Variants in HNRNPH1 observed in about 807,000 individuals in gnomAD.
HNRNPH1 encodes heterogeneous nuclear ribonucleoprotein H1, also known as heterogeneous nuclear ribonucleoprotein H.
HNRNPH1 carries 4 observed loss-of-function variants against 58.6 expected under a neutral mutation model. The observed-to-expected ratio is 0.07, with a 90% CI of 0.03 to 0.16. The LOEUF (loss-of-function observed/expected upper bound fraction) is 0.16. Ranked by LOEUF, HNRNPH1 falls within the 10% of genes least tolerant of loss-of-function variation. The pLI, the probability that HNRNPH1 is intolerant of heterozygous loss-of-function variation, is 1.00. For missense variants in HNRNPH1, 271 were observed against 564.2 expected, an observed-to-expected ratio of 0.48 and a Z score of 5.26; for synonymous variants, 192 against 189.2, an observed-to-expected ratio of 1.01 and a Z score of -0.12.
chr5:179,624,241 G>A, exon 1 of HNRNPH1: 2 of 354,604 alleles, frequency 5.6e-6, no homozygotes, highest in South Asian at 1.5e-4. Context: ...GCGGGGCTGC[G>A]GACGTCCCGC....
Position 179,618,080 on chromosome 5 carries a change from CAAT to C in HNRNPH1, c.716-23_716-21del, listed in dbSNP as rs763373878. On this transcript the variant is annotated intron_variant, in intron 5 of 12. Coordinates refer to ENST00000356731, the Ensembl canonical transcript of HNRNPH1. The stretch of plus-strand genomic sequence containing the variant: ...CATAGCCTGAAAGACAAAGTACAAT[CAAT>C]CAAATAAAACACCTAGACAAAGGAA... 1 of 1,613,654 alleles carries C rather than the reference CAAT, an allele frequency of 6.2e-7. No homozygotes were observed. Among genetic ancestry groups the C allele is most frequent in the South Asian group, 1.1e-5 (1 of 91,066 alleles).
chr5:179,616,033 A>G (rs1479743965), intron 11 of HNRNPH1, 93 bp downstream of exon 12: 5 of 1,114,716 alleles, frequency 4.5e-6, no homozygotes, highest in South Asian at 2.5e-5. Flanking sequence ...TACTCTAAGT[A>G]CAGTAACAGG....
exon 12 of HNRNPH1, chr5:179,615,585 T>G (rs1769133355): frequency 6.4e-7 from 1 of 1,565,126 alleles, no homozygotes; most frequent in Non-Finnish European, 8.8e-7. Context: ...AGTTTTCCTG[T>G]AAAACTTGGT....
At chr5:179,631,474 G>A (rs1036096990) in intron 2 of HNRNPH1, among the ~76,000 whole-genome samples, 1 of 152,068 alleles carries the variant, frequency 6.6e-6, no homozygotes, top group Non-Finnish European at 1.5e-5. Context: ...TGCTGGGCGC[G>A]GTGGCTCACA....
chr5:179,630,629 C>T (rs755233101), intron 2 of HNRNPH1, among the ~76,000 whole-genome samples: 6 of 151,806 alleles, frequency 4.0e-5, no homozygotes, highest in African/African-American at 7.2e-5. Context: ...GCATACATTT[C>T]GGCCTGACGC....
intron 10 of HNRNPH1, chr5:179,616,580 C>G: frequency 1.9e-6 from 1 of 513,650 alleles, no homozygotes; most frequent in South Asian, 2.5e-5. Context: ...CCACATTTAT[C>G]TTAATCCTGT....
chr5:179,628,027 T>C (rs1356832278), upstream of HNRNPH1, among the ~76,000 whole-genome samples: 1 of 152,058 alleles, frequency 6.6e-6, no homozygotes, highest in Non-Finnish European at 1.5e-5. Context: ...TTCACCATGT[T>C]GGCCAGGTTG....
chr5:179,616,760 T>G, intron 10 of HNRNPH1, 109 bp downstream of exon 11: 1 of 935,756 alleles, frequency 1.1e-6, no homozygotes, highest in South Asian at 1.6e-5. Context: ...GAAACTGCTT[T>G]GCCTAAGTTT....
intron 2 of HNRNPH1, among the ~76,000 whole-genome samples, chr5:179,633,340 G>A (rs1775001161): frequency 6.6e-6 from 1 of 151,666 alleles, no homozygotes; most frequent in African/African-American, 2.4e-5. Flanking sequence ...TTATCGCCCA[G>A]GCTGGAGTGC....
intron 11 of HNRNPH1, 160 bp from the exon 13 acceptor site, chr5:179,615,755 A>T (rs1769235427): frequency 1.8e-6 from 1 of 542,616 alleles, no homozygotes; most frequent in Non-Finnish European, 3.3e-6. Flanking sequence ...CCTCTGTCTA[A>T]AACTGACTTA....
Position 179,617,652 on chromosome 5 carries a change from A to G in HNRNPH1, c.922-3T>C. 8 of 1,611,982 alleles carry G rather than the reference A, an allele frequency of 5.0e-6. No homozygotes were observed. Among genetic ancestry groups the G allele is most frequent in the Middle Eastern group, 1.7e-4 (1 of 6,052 alleles). On this transcript the variant is annotated splice_region_variant and splice_polypyrimidine_tract_variant and intron_variant, in intron 7 of 12. Coordinates refer to ENST00000356731, the Ensembl canonical transcript of HNRNPH1. ...ACAGGGTTGAGCGGTGAAAAAAACT[A>G]CAACACAAGGCATTTCAAAGAATTC... is the stretch of plus-strand genomic sequence containing the variant.
At chr5:179,617,363 A>T in intron 8 of HNRNPH1, 151 bp downstream of exon 9, 1 of 954,204 alleles carries the variant, frequency 1.0e-6, no homozygotes, top group East Asian at 2.4e-5. Flanking sequence ...TTAAAACCCA[A>T]ACCTTCAACA....
rs565805785 is a variant in HNRNPH1, at chr5:179,616,164, C to G, written c.1262G>C (p.Gly421Ala). 4 of 1,614,188 alleles carry G rather than the reference C, an allele frequency of 2.5e-6. No homozygotes were observed. The Admixed American group carries it at 6.7e-5, about 27-fold the overall frequency. Residue 421 changes from glycine to alanine, a missense_variant, in exon 11 of 13, where the codon GGA (glycine) becomes GCA (alanine). By Grantham distance (60) the Gly-to-Ala change is moderately conservative (BLOSUM62 0). Around this residue, in one of 6 missense-constraint regions of HNRNPH1, gnomAD observed 49 missense variants for 59.5 expected, o/e 0.82. Transcript: ENST00000356731. ...GCTGCTCTGGCCACCGTAGCCGCCT[C>G]CGTAACCCCCACTCAGCTGCTGGCT... is the stretch of plus-strand genomic sequence containing the variant.
At chr5:179,630,475 T>G (rs866347937) in intron 2 of HNRNPH1, among the ~76,000 whole-genome samples, 3 of 152,148 alleles carry the variant, frequency 2.0e-5, no homozygotes, top group Non-Finnish European at 2.9e-5. Flanking sequence ...ACGCAAAGCC[T>G]TTGCAACTAA....
chr5:179,632,056 C>G (rs1774872596), intron 2 of HNRNPH1, among the ~76,000 whole-genome samples: 2 of 151,060 alleles, frequency 1.3e-5, no homozygotes, highest in Admixed American at 1.3e-4. Flanking sequence ...CCTGTAATCC[C>G]AGCACTTTGG....
chr5:179,623,049 T>C (rs1195399424), exon 1 of HNRNPH1: 4 of 1,567,186 alleles, frequency 2.6e-6, no homozygotes, highest in Non-Finnish European at 3.5e-6. Context: ...GAAAAAAACC[T>C]CTGCACTTCA....
chr5:179,633,062 T>C (rs1774981745), intron 2 of HNRNPH1, among the ~76,000 whole-genome samples: 1 of 152,010 alleles, frequency 6.6e-6, no homozygotes, highest in Non-Finnish European at 1.5e-5. Flanking sequence ...TTTCACCATG[T>C]TGATCAAGAT....
chr5:179,617,202 G>C, intron 8 of HNRNPH1, 92 bp from the exon 10 acceptor site: 1 of 1,252,606 alleles, frequency 8.0e-7, no homozygotes, highest in Non-Finnish European at 1.1e-6. Flanking sequence ...GCAGATCTGT[G>C]AACTTCAAAT....
At chr5:179,631,764 A>T (rs1399425621) in intron 2 of HNRNPH1, among the ~76,000 whole-genome samples, 12 of 151,780 alleles carry the variant, frequency 7.9e-5, no homozygotes, top group Admixed American at 6.6e-4. Flanking sequence ...TTTTTTTTTT[A>T]AATATTAGCC....
Sources: allele counts gnomAD v4.1 joint callset (sites outside exome capture counted in the v4.1 genomes callset), GRCh38; gene constraint gnomAD v4.1.1; regional missense constraint gnomAD v4.1.1; transcripts MANE v1.5; gene names NCBI Gene and HGNC (gene_info 2026-07-23, HGNC 2026-07-21).